Variants in AGAP9 observed in about 807,000 individuals in gnomAD.
AGAP9 encodes the protein ArfGAP with GTPase domain, ankyrin repeat and PH domain 9.
In AGAP9, 23 loss-of-function variants were observed where a neutral mutation model predicts 55.6. The ratio of observed to expected loss-of-function variants is 0.41; its 90% CI spans 0.30 to 0.59. The LOEUF is 0.59. Ranked by LOEUF, AGAP9 falls within the 20% of genes least tolerant of loss-of-function variation. The pLI is 0.25. For synonymous variants in AGAP9, 120 were observed against 305.0 expected (o/e 0.39, Z 6.32); for missense variants, 309 against 808.1 (o/e 0.38, Z 7.49).
rs1244153372 is a variant in AGAP9, at chr10:47,502,131, T to C, written c.*21A>G. 32 of 1,572,958 alleles carry C rather than the reference T, an allele frequency of 2.0e-5. 3 individuals carry two copies. The highest frequency in any genetic ancestry group is 1.4e-5 in the African/African-American group (1 of 71,664). ...AGAAGCACGTTGATGCACTCCTGGCTGGAGGCCTGCCGGGCGTAGGTCAGC... is the reference window on the plus strand; with the variant it reads ...AGAAGCACGTTGATGCACTCCTGGCCGGAGGCCTGCCGGGCGTAGGTCAGC... On this transcript the variant is annotated 3_prime_UTR_variant, in exon 8 of 8. Transcript: ENST00000452145.
chr10:47,521,353 C>G lies in AGAP9; in HGVS notation c.293-786G>C, dbSNP rs1414913697. 5.0e-5 allele frequency among the ~76,000 whole-genome samples: 7 copies of G among 140,564 alleles called. 2 individuals carry two copies. The highest frequency in any genetic ancestry group is 6.1e-5 in the Non-Finnish European group (4 of 65,384). 92.2% of individuals were successfully genotyped at this position (140,564 alleles called of 152,430 possible). ...CATGCTTTGTGTATAAAGGTACAAT[C>G]AATTAATTCACACAATGCATTTGTT... On this transcript the variant is annotated intron_variant, in intron 2 of 7. Coordinates refer to ENST00000452145, the MANE Select transcript of AGAP9 (RefSeq NM_001190810.1).
chr10:47,521,761 G>C (rs1487659969), intron 2 of AGAP9, among the ~76,000 whole-genome samples: 1 of 151,290 alleles, frequency 6.6e-6, no homozygotes, highest in African/African-American at 2.4e-5. Flanking sequence ...CAACAGTGTA[G>C]AGACTAAAAA....
chr10:47,521,988 T>C (rs1201587360), intron 2 of AGAP9, among the ~76,000 whole-genome samples: 3 of 151,006 alleles, frequency 2.0e-5, no homozygotes, highest in Admixed American at 6.6e-5. Context: ...CGTTTCACCA[T>C]GTTGGCCAGG....
chr10:47,516,676 A>G (rs1349399277), intron 4 of AGAP9, among the ~76,000 whole-genome samples: 3 of 135,848 alleles, frequency 2.2e-5, no homozygotes, highest in Non-Finnish European at 4.6e-5. Context: ...ATATTGAACT[A>G]GGATGACAAA....
At chr10:47,521,724 C>T (rs1299849935) in intron 2 of AGAP9, among the ~76,000 whole-genome samples, 2 of 150,954 alleles carry the variant, frequency 1.3e-5, no homozygotes, top group Non-Finnish European at 2.9e-5. Context: ...TTTCTGTTTT[C>T]TACCGGCTCC....
In AGAP9 at chr10:47,502,628, C is replaced by G. The variant is rs1840378488; in HGVS notation, c.1501G>C (p.Glu501Gln). 1 of 1,606,884 alleles carries G rather than the reference C, an allele frequency of 6.2e-7. No homozygotes were observed. The highest frequency in any genetic ancestry group is 1.1e-5 in the South Asian group (1 of 90,868). The part of the protein sequence containing the change: ...SLNLGVLMCI[E>Q]CSGIHRSFGT... ...AAACTGCGGTGGATACCTGAGCATT[C>G]AATACACATGAGGACTCCCAAGTTC... Residue 501 changes from glutamate (E) to glutamine (Q), a missense_variant, in exon 8 of 8, where the codon GAA becomes CAA. Physicochemically the swap from Glu to Gln is conservative, Grantham distance 29 (BLOSUM62 2). Transcript: ENST00000452145.
chr10:47,513,322 C>T (rs1174024151), intron 4 of AGAP9, among the ~76,000 whole-genome samples: 7 of 142,290 alleles, frequency 4.9e-5, no homozygotes, highest in Non-Finnish European at 6.1e-5. Context: ...TGTGAGCCAC[C>T]GTGCCTGGCC....
chr10:47,511,214 A>C (rs1451048699), intron 4 of AGAP9, among the ~76,000 whole-genome samples: 1 of 140,472 alleles, frequency 7.1e-6, no homozygotes, highest in Non-Finnish European at 1.5e-5. Context: ...AAGTACTGGG[A>C]TTACAGGCGT....
In AGAP9 at chr10:47,502,756, A is replaced by C; in HGVS notation, c.1373T>G (p.Leu458Arg). 7 of 1,590,748 alleles carry C rather than the reference A, an allele frequency of 4.4e-6. No individual in the cohort carries two copies. In the South Asian group the frequency reaches 7.7e-5, roughly 18 times the overall value. ...GGCCATGGCCTCACTCTGGCTGGTC[A>C]GCTGGGACTTGCTTTTACTGCTCTT... ...SCKSSKSKSQ[L>R]TSQSEAMALQ... The change falls in exon 8 of 8, where the codon CTG (leucine) becomes CGG (arginine). Residue 458 changes from leucine to arginine, a missense_variant. Physicochemically the swap from Leu to Arg is moderately radical, Grantham distance 102. Coordinates refer to ENST00000452145, the MANE Select transcript of AGAP9 (RefSeq NM_001190810.1).
rs1189996438 is a variant in AGAP9 at position 47,519,520 on chromosome 10, C to T, written c.361+979G>A. 1.8e-3 allele frequency among the ~76,000 whole-genome samples: 196 copies of T among 108,636 alleles called. 7 individuals carry two copies. Among genetic ancestry groups the T allele is most frequent in the African/African-American group, 6.6e-3 (182 of 27,546 alleles). 71.3% of individuals were successfully genotyped at this position (108,636 alleles called of 152,430 possible). Reference sequence around the variant, plus strand: ...ACCTTCCCCCTTCCCCTCTCTCTTTCACCGTGTGGAACCACCTGCTTCCCC... The same window carrying T: ...ACCTTCCCCCTTCCCCTCTCTCTTTTACCGTGTGGAACCACCTGCTTCCCC... On this transcript the variant is annotated intron_variant, in intron 3 of 7. Coordinates refer to ENST00000452145, the MANE Select transcript of AGAP9 (RefSeq NM_001190810.1).
chr10:47,503,713 C>A (rs1840406122), intron 7 of AGAP9, among the ~76,000 whole-genome samples, 170 bp from the exon 8 acceptor site: 1 of 113,448 alleles, frequency 8.8e-6, no homozygotes, highest in Non-Finnish European at 1.7e-5. Flanking sequence ...ATCACGAGGT[C>A]AGGAGTTCAA....
chr10:47,507,739 C>A (rs1840513376), intron 5 of AGAP9, among the ~76,000 whole-genome samples, 156 bp from the exon 6 acceptor site: 1 of 120,666 alleles, frequency 8.3e-6, no homozygotes, highest in South Asian at 2.8e-4. Context: ...GTTTTCATTT[C>A]TTTGTTTTTT....
chr10:47,511,039 G>A (rs1840611045), intron 4 of AGAP9, among the ~76,000 whole-genome samples: 2 of 126,460 alleles, frequency 1.6e-5, no homozygotes, highest in Admixed American at 8.2e-5. Context: ...CGCCTCCCGG[G>A]TTCACGCCAT....
chr10:47,502,225 C>A lies in AGAP9; in HGVS notation c.1904G>T (p.Gly635Val), dbSNP rs1381971109. The A allele has an allele frequency of 1.6e-5, 25 of 1,574,144 alleles. 1 individual carries two copies. Among genetic ancestry groups the A allele is most frequent in the Non-Finnish European group, 2.1e-5 (24 of 1,164,648 alleles). The change falls in exon 8 of 8, where the codon GGG (glycine) becomes GTG (valine). Residue 635 changes from glycine (G) to valine (V), a missense_variant. By Grantham distance (109) the Gly-to-Val change is moderately radical. Transcript: ENST00000452145. ...CAGGAGCTGCTCCAGGACCACATTCCCCTTGCGGCAGGCCAGATGGAGTGC... is the reference window on the plus strand; with the variant it reads ...CAGGAGCTGCTCCAGGACCACATTCACCTTGCGGCAGGCCAGATGGAGTGC... Reference protein sequence around the residue: ...CTALHLACRKGNVVLEQLLTG... With the variant: ...CTALHLACRKVNVVLEQLLTG...
In AGAP9 at chr10:47,502,033, T is replaced by G; in HGVS notation, c.*119A>C. The G allele has an allele frequency of 1.4e-6, 2 of 1,477,822 alleles. No homozygotes were observed. Among genetic ancestry groups the G allele is most frequent in the Non-Finnish European group, 1.8e-6 (2 of 1,083,206 alleles). 91.5% of individuals were successfully genotyped at this position (1,477,822 alleles called of 1,614,324 possible). On this transcript the variant is annotated 3_prime_UTR_variant, in exon 8 of 8. Transcript: ENST00000452145. ...CTGAGTTATCCTTATTTTTCCCATT[T>G]TGTTTTTGCACCAAGGAGACTGCAG...
chr10:47,508,858 A>G (rs1840538281), intron 5 of AGAP9, among the ~76,000 whole-genome samples: 1 of 113,088 alleles, frequency 8.8e-6, no homozygotes, highest in South Asian at 2.8e-4. Flanking sequence ...AGATACATGT[A>G]TTTGCAGACT....
In AGAP9 at chr10:47,502,179, G is replaced by C; in HGVS notation, c.1950C>G (p.Pro650=). The C allele has an allele frequency of 1.3e-6, 2 of 1,547,678 alleles. No individual in the cohort carries two copies. Among genetic ancestry groups the C allele is most frequent in the Non-Finnish European group, 1.7e-6 (2 of 1,144,360 alleles). ...AGCGCTGTGTTCCCGTGGGCATCTC[G>C]GGCCATGACGTCCACCCCGTCAGGA... ...EQLLTGWTSW[P]EMPTGTQR Residue 650 remains proline, a synonymous_variant, in exon 8 of 8, where the codon CCC becomes CCG. Transcript: ENST00000452145.
Position 47,515,538 on chromosome 10 carries a change from A to G in AGAP9, c.396+2285T>C, listed in dbSNP as rs1305300036. Among the ~76,000 whole-genome samples, 32 of 50,328 alleles carry G rather than the reference A, an allele frequency of 6.4e-4. 2 individuals are homozygous for G. Among genetic ancestry groups the G allele is most frequent in the African/African-American group, 2.6e-3 (31 of 11,992 alleles). The allele number at this position is 50,328 out of a possible 152,430, so 33.0% of individuals were successfully genotyped here. A position where few individuals can be genotyped will look rare whatever the true frequency, so the allele number is the denominator to read the frequency against. ...CAAGGTCAGTTGCAAATCTCTAACT[A>G]GAGCCCAAAGTCTACCTGTCCTTCC... On this transcript the variant is annotated intron_variant, in intron 4 of 7. Coordinates refer to ENST00000452145, the MANE Select transcript of AGAP9 (RefSeq NM_001190810.1).
At chr10:47,510,931 A>C (rs1325653845) in intron 4 of AGAP9, among the ~76,000 whole-genome samples, 1 of 129,852 alleles carries the variant, frequency 7.7e-6, no homozygotes, top group Non-Finnish European at 1.6e-5. Flanking sequence ...TTAATTAATT[A>C]ATTAATTTAT....
Sources: allele counts gnomAD v4.1 joint callset (sites outside exome capture counted in the v4.1 genomes callset), GRCh38; gene constraint gnomAD v4.1.1; transcripts MANE v1.5; gene names NCBI Gene and HGNC (gene_info 2026-07-23, HGNC 2026-07-21).